GPC5: variants seen among roughly 807,000 people sequenced by gnomAD.
GPC5 encodes the protein glypican-5.
GPC5 carries 47 observed loss-of-function variants against 53.9 expected under a neutral mutation model. The observed-to-expected ratio is 0.87, with a 90% confidence interval of 0.69 to 1.11. The LOEUF is 1.11. Ranked by LOEUF, GPC5 falls within the 50% of genes most tolerant of loss-of-function variation. GPC5 has a pLI of 0.00. For synonymous variants in GPC5, 286 were observed against 263.3 expected, an observed-to-expected ratio of 1.09 and a Z score of -0.84; for missense variants, 748 against 713.1, an observed-to-expected ratio of 1.05 and a Z score of -0.56.
chr13:92,725,532 T>C (rs1888620006), intron 7 of GPC5, among the ~76,000 whole-genome samples: 1 of 151,612 alleles, frequency 6.6e-6, no homozygotes, highest in Non-Finnish European at 1.5e-5. Flanking sequence ...TTGACTAGAA[T>C]ATACCTAGCC....
At chr13:92,393,975 G>A (rs537869587) in intron 7 of GPC5, among the ~76,000 whole-genome samples, 3 of 152,054 alleles carry the variant, frequency 2.0e-5, no homozygotes, top group South Asian at 2.1e-4. Flanking sequence ...TTCAAAAAAC[G>A]TATGTAGTAG....
intron 2 of GPC5, among the ~76,000 whole-genome samples, chr13:91,461,640 A>G (rs1250727257): frequency 1.3e-5 from 2 of 152,100 alleles, no homozygotes; most frequent in Non-Finnish European, 2.9e-5. Flanking sequence ...CACTCAACAT[A>G]TATTAGCTAT....
chr13:91,796,959 T>C (rs2038056429), intron 5 of GPC5, among the ~76,000 whole-genome samples: 1 of 152,190 alleles, frequency 6.6e-6, no homozygotes, highest in Non-Finnish European at 1.5e-5. Context: ...GCTTGGTAAG[T>C]TTCAATTTCA....
intron 7 of GPC5, among the ~76,000 whole-genome samples, chr13:92,582,336 T>C (rs1883398804): frequency 2.0e-5 from 3 of 152,114 alleles, no homozygotes; most frequent in South Asian, 2.1e-4. Flanking sequence ...GGTACCTTTA[T>C]TGAAAATCAA....
intron 3 of GPC5, among the ~76,000 whole-genome samples, chr13:91,719,745 G>C (rs551754717): frequency 6.6e-6 from 1 of 152,146 alleles, no homozygotes; most frequent in Non-Finnish European, 1.5e-5. Flanking sequence ...GCCAATTTTA[G>C]AATAAAATAT....
At chr13:92,562,425 T>C (rs776729055) in intron 7 of GPC5, among the ~76,000 whole-genome samples, 3 of 152,050 alleles carry the variant, frequency 2.0e-5, no homozygotes, top group Non-Finnish European at 4.4e-5. Flanking sequence ...AGGCTGAATG[T>C]TGAAGTGGAA....
intron 2 of GPC5, among the ~76,000 whole-genome samples, chr13:91,545,339 T>C (rs1203132237): frequency 3.3e-5 from 5 of 152,222 alleles, no homozygotes; most frequent in Admixed American, 3.3e-4. Context: ...GTAATGCTTT[T>C]GGATGTGGAC....
chr13:91,758,103 C>T (rs545861324), intron 5 of GPC5, among the ~76,000 whole-genome samples: 63 of 152,020 alleles, frequency 4.1e-4, no homozygotes, highest in African/African-American at 1.5e-3. Context: ...AAATAATTGG[C>T]TGATATGACT....
chr13:91,466,644 G>T (rs1249776374), intron 2 of GPC5, among the ~76,000 whole-genome samples: 1 of 152,058 alleles, frequency 6.6e-6, no homozygotes, highest in Non-Finnish European at 1.5e-5. Flanking sequence ...AGTTTTGGTA[G>T]TGATGATAGA....
chr13:91,482,002 GATA>G (rs1883327555), intron 2 of GPC5, among the ~76,000 whole-genome samples: 1 of 152,122 alleles, frequency 6.6e-6, no homozygotes, highest in Admixed American at 6.5e-5. Flanking sequence ...ATAGTAAAAG[GATA>G]CTAATAGAAT....
chr13:91,719,143 T>C (rs968640225), intron 3 of GPC5, among the ~76,000 whole-genome samples: 1 of 152,214 alleles, frequency 6.6e-6, no homozygotes, highest in African/African-American at 2.4e-5. Context: ...ATTTTGCAAA[T>C]GTCAAAGGAT....
intron 2 of GPC5, among the ~76,000 whole-genome samples, chr13:91,662,667 C>T (rs781111875): frequency 1.3e-5 from 2 of 151,986 alleles, no homozygotes; most frequent in African/African-American, 2.4e-5. Flanking sequence ...TGTTATTACC[C>T]CAGGGATTTT....
intron 7 of GPC5, among the ~76,000 whole-genome samples, chr13:92,337,278 A>G (rs2043331426): frequency 6.6e-6 from 1 of 152,088 alleles, no homozygotes; most frequent in Admixed American, 6.6e-5. Flanking sequence ...CAAAACTATG[A>G]TAAAAGAAAT....
chr13:91,402,664 G>A (rs1303842981), intron 1 of GPC5, among the ~76,000 whole-genome samples: 6 of 152,064 alleles, frequency 3.9e-5, no homozygotes, highest in Non-Finnish European at 1.5e-5. Context: ...ACAAATCCAG[G>A]CACATAGTAA....
chr13:92,519,298 T>G (rs1026262335), intron 7 of GPC5, among the ~76,000 whole-genome samples: 2 of 152,124 alleles, frequency 1.3e-5, no homozygotes, highest in African/African-American at 4.8e-5. Flanking sequence ...TCTACAGAAC[T>G]CTCCACCCCA....
chr13:92,229,704 T>A (rs1036870458), intron 7 of GPC5, among the ~76,000 whole-genome samples: 1 of 152,120 alleles, frequency 6.6e-6, no homozygotes, highest in Non-Finnish European at 1.5e-5. Context: ...CATTTTATTA[T>A]AATTTGGGGG....
intron 6 of GPC5, among the ~76,000 whole-genome samples, chr13:91,923,437 TG>T (rs1419539203): frequency 1.3e-5 from 2 of 152,176 alleles, no homozygotes; most frequent in African/African-American, 2.4e-5. Context: ...GAGAGGAATA[TG>T]CTTGTAGGGA....
chr13:92,500,376 G>T (rs1880137004), intron 7 of GPC5, among the ~76,000 whole-genome samples: 2 of 152,174 alleles, frequency 1.3e-5, no homozygotes, highest in African/African-American at 4.8e-5. Context: ...AAAGTCTCAA[G>T]TAAACACCAT....
At chr13:92,585,316 C>G (rs1226786522) in intron 7 of GPC5, among the ~76,000 whole-genome samples, 1 of 152,182 alleles carries the variant, frequency 6.6e-6, no homozygotes, top group Non-Finnish European at 1.5e-5. Flanking sequence ...TCAGCATGAC[C>G]TGGATGTGAG....
Sources: allele counts gnomAD v4.1 joint callset (sites outside exome capture counted in the v4.1 genomes callset), GRCh38; gene constraint gnomAD v4.1.1; transcripts MANE v1.5; gene names NCBI Gene and HGNC (gene_info 2026-07-23, HGNC 2026-07-21).